Variants in CSMD1 observed in about 807,000 individuals in gnomAD.
The protein encoded by CSMD1 is CUB and sushi domain-containing protein 1.
In CSMD1, 213 loss-of-function variants were observed where a neutral mutation model predicts 417.5. The ratio of observed to expected loss-of-function variants is 0.51; its 90% CI spans 0.46 to 0.57. The LOEUF is 0.57. CSMD1 is among the 20% of genes least tolerant of loss of function. The pLI, the probability that CSMD1 is intolerant of heterozygous loss-of-function variation, is 0.00. For synonymous variants in CSMD1, 2,862 were observed against 1,736.8 expected (o/e 1.65, Z -16.11); for missense variants, 6,923 against 4,529.7 (o/e 1.53, Z -15.17).
intron 7 of CSMD1, among the ~76,000 whole-genome samples, chr8:3,680,146 A>C (rs1158753502): frequency 6.6e-6 from 1 of 152,174 alleles, no homozygotes; most frequent in Non-Finnish European, 1.5e-5. Context: ...AAGAGCAAAC[A>C]CATTCAAAAA....
intron 7 of CSMD1, among the ~76,000 whole-genome samples, chr8:3,685,501 A>G (rs867170165): frequency 1.3e-5 from 2 of 152,158 alleles, no homozygotes; most frequent in Middle Eastern, 3.4e-3. Context: ...ACTCAAATCC[A>G]CCTCCCTGAC....
chr8:2,982,942 T>A, intron 54 of CSMD1, among the ~76,000 whole-genome samples: 1 of 152,122 alleles, frequency 6.6e-6, no homozygotes, highest in East Asian at 1.9e-4. Context: ...GGGCATCACA[T>A]AAGAGTCTGG....
chr8:3,337,375 AGTCATT>A (rs986053927), intron 23 of CSMD1, among the ~76,000 whole-genome samples: 1 of 152,232 alleles, frequency 6.6e-6, no homozygotes, highest in Non-Finnish European at 1.5e-5. Context: ...AGCCAGGGAA[AGTCATT>A]GTTCTGCATA....
At chr8:3,150,712 T>A (rs996079544) in intron 40 of CSMD1, among the ~76,000 whole-genome samples, 13 of 152,044 alleles carry the variant, frequency 8.6e-5, no homozygotes, top group Non-Finnish European at 1.3e-4. Context: ...AAATCACAAG[T>A]AGGGAGACTC....
intron 1 of CSMD1, among the ~76,000 whole-genome samples, chr8:4,968,817 G>A (rs73515855): frequency 0.077 from 11,776 of 152,106 alleles, 560 homozygotes; most frequent in African/African-American, 0.13. Flanking sequence ...CATCTCTTCT[G>A]CCATTTCCCA....
intron 3 of CSMD1, among the ~76,000 whole-genome samples, chr8:4,282,364 G>C (rs1203748109): frequency 6.6e-6 from 1 of 152,234 alleles, no homozygotes; most frequent in East Asian, 1.9e-4. Flanking sequence ...CTGGACAAGA[G>C]GGCTCTCTTC....
intron 4 of CSMD1, among the ~76,000 whole-genome samples, chr8:4,030,510 G>A (rs1040511721): frequency 3.9e-5 from 6 of 152,120 alleles, no homozygotes; most frequent in Admixed American, 1.3e-4. Flanking sequence ...GGGATGCAGG[G>A]CACCAAGTCT....
intron 49 of CSMD1, among the ~76,000 whole-genome samples, chr8:3,054,028 T>C (rs937469713): frequency 2.0e-5 from 3 of 152,070 alleles, no homozygotes; most frequent in Non-Finnish European, 2.9e-5. Flanking sequence ...ATAAAGAAAA[T>C]GACTAACCTA....
At chr8:4,608,310 G>C (rs979651492) in intron 2 of CSMD1, among the ~76,000 whole-genome samples, 3 of 152,208 alleles carry the variant, frequency 2.0e-5, no homozygotes, top group African/African-American at 7.2e-5. Flanking sequence ...AAAGTGGGGA[G>C]ATGGGTGAGG....
intron 5 of CSMD1, among the ~76,000 whole-genome samples, chr8:3,945,446 TG>T (rs1394672699): frequency 6.6e-6 from 1 of 152,148 alleles, no homozygotes; most frequent in Non-Finnish European, 1.5e-5. Context: ...ATAGTCTAAC[TG>T]CTAATCTTTT....
At chr8:4,156,578 CA>C (rs1796846244) in intron 3 of CSMD1, among the ~76,000 whole-genome samples, 1 of 151,990 alleles carries the variant, frequency 6.6e-6, no homozygotes, top group Admixed American at 6.6e-5. Context: ...TCCACATACC[CA>C]AAAGCATTCA....
chr8:3,611,636 A>G (rs1801899465), intron 8 of CSMD1, among the ~76,000 whole-genome samples: 1 of 152,148 alleles, frequency 6.6e-6, no homozygotes, highest in Non-Finnish European at 1.5e-5. Context: ...AAAATTTTCA[A>G]AAGCTGGTAT....
intron 5 of CSMD1, among the ~76,000 whole-genome samples, chr8:3,987,436 T>G (rs922700694): frequency 5.3e-5 from 8 of 152,186 alleles, no homozygotes; most frequent in East Asian, 1.9e-4. Context: ...CCTGGTACAG[T>G]GGTAGGTTTC....
intron 5 of CSMD1, among the ~76,000 whole-genome samples, chr8:3,793,398 C>G (rs945178957): frequency 1.3e-5 from 2 of 152,100 alleles, no homozygotes; most frequent in African/African-American, 4.8e-5. Flanking sequence ...CCATATTTTT[C>G]CTTGCCTACT....
At chr8:4,701,147 A>T (rs1807510503) in intron 1 of CSMD1, among the ~76,000 whole-genome samples, 1 of 151,982 alleles carries the variant, frequency 6.6e-6, no homozygotes. Flanking sequence ...TTTTACACAA[A>T]GCTGTGGGCT....
intron 3 of CSMD1, among the ~76,000 whole-genome samples, chr8:4,046,249 T>A (rs1798141150): frequency 6.6e-6 from 1 of 152,230 alleles, no homozygotes; most frequent in Non-Finnish European, 1.5e-5. Flanking sequence ...TGGCATTATC[T>A]TTTATTTCTA....
chr8:4,039,957 T>C (rs1393823271), intron 3 of CSMD1, among the ~76,000 whole-genome samples: 11 of 152,206 alleles, frequency 7.2e-5, no homozygotes, highest in Admixed American at 5.9e-4. Context: ...TAGAGAATTG[T>C]AAAAAGATAT....
intron 10 of CSMD1, among the ~76,000 whole-genome samples, chr8:3,534,682 G>A (rs748003048): frequency 2.6e-5 from 4 of 152,192 alleles, no homozygotes; most frequent in Non-Finnish European, 5.9e-5. Flanking sequence ...AAACCATTGT[G>A]TACATCCTTT....
At chr8:4,243,526 A>G (rs1486069809) in intron 3 of CSMD1, among the ~76,000 whole-genome samples, 1 of 152,184 alleles carries the variant, frequency 6.6e-6, no homozygotes, top group Non-Finnish European at 1.5e-5. Flanking sequence ...TTATCTTTGT[A>G]ACCAGAGAAA....
Sources: gnomAD v4.1 joint callset for allele counts (sites outside exome capture counted in the v4.1 genomes callset) on GRCh38, gnomAD v4.1.1 for gene constraint, MANE v1.5 for transcripts, NCBI Gene and HGNC (gene_info 2026-07-23, HGNC 2026-07-21) for gene names.